FBXL17: variants seen among roughly 807,000 people sequenced by gnomAD.
FBXL17 encodes the protein F-box and leucine rich repeat protein 17.
Under a neutral mutation model 66.2 loss-of-function variants are expected in FBXL17, and 22 were observed. The observed-to-expected ratio is 0.33, with a 90% confidence interval of 0.24 to 0.47. The LOEUF (loss-of-function observed/expected upper bound fraction) is 0.47, where lower values mean the gene tolerates loss of function less well. FBXL17 is among the 20% of genes least tolerant of loss of function. The pLI, the probability that FBXL17 is intolerant of heterozygous loss-of-function variation, is 1.00. For synonymous variants in FBXL17, 474 were observed against 400.5 expected (o/e 1.18, Z -2.19); for missense variants, 878 against 948.2 (o/e 0.93, Z 0.97).
At chr5:108,083,151 C>T (rs1281414939) in intron 6 of FBXL17, among the ~76,000 whole-genome samples, 5 of 150,584 alleles carry the variant, frequency 3.3e-5, no homozygotes, top group African/African-American at 1.2e-4. Flanking sequence ...AAAATATCTA[C>T]CTAATACAAG....
intron 6 of FBXL17, among the ~76,000 whole-genome samples, chr5:108,089,202 C>T (rs1420956859): frequency 1.3e-5 from 2 of 152,186 alleles, no homozygotes; most frequent in African/African-American, 4.8e-5. Context: ...CTGCAATGGC[C>T]TTCTAACTGG....
At chr5:108,293,390 A>G (rs945537249) in intron 4 of FBXL17, among the ~76,000 whole-genome samples, 1 of 152,202 alleles carries the variant, frequency 6.6e-6, no homozygotes, top group Non-Finnish European at 1.5e-5. Context: ...TAAGTGAAAG[A>G]CATTTTCAAA....
At chr5:107,897,536 T>C (rs1374609905) in intron 7 of FBXL17, among the ~76,000 whole-genome samples, 1 of 152,094 alleles carries the variant, frequency 6.6e-6, no homozygotes, top group African/African-American at 2.4e-5. Flanking sequence ...CTTTTAAAGT[T>C]CTTTTGATAT....
At chr5:108,301,136 T>G (rs1029612026) in intron 4 of FBXL17, among the ~76,000 whole-genome samples, 1 of 151,746 alleles carries the variant, frequency 6.6e-6, no homozygotes, top group Non-Finnish European at 1.5e-5. Flanking sequence ...TATGAAAATG[T>G]ACAAAAACAC....
rs761417156 is a variant in FBXL17 at position 108,248,146 on chromosome 5, G to C, written c.1507-23918C>G. On this transcript the variant is annotated intron_variant, in intron 4 of 8. Coordinates refer to ENST00000542267, the MANE Select transcript of FBXL17 (RefSeq NM_001163315.3). The stretch of plus-strand genomic sequence containing the variant: ...GAAAAGACAATCAAGAGATAACACA[G>C]ATTTTAGAATTATTTGACAAAAACT... 6.3e-4 allele frequency among the ~76,000 whole-genome samples: 96 copies of C among 152,212 alleles called. 1 individual carries two copies. Among genetic ancestry groups the C allele is most frequent in the South Asian group, 1.5e-3 (7 of 4,820 alleles).
intron 7 of FBXL17, among the ~76,000 whole-genome samples, chr5:108,001,931 C>T (rs1753745605): frequency 6.6e-6 from 1 of 151,768 alleles, no homozygotes; most frequent in Non-Finnish European, 1.5e-5. Flanking sequence ...ATTCTAATAA[C>T]TAAAAATAAA....
intron 4 of FBXL17, among the ~76,000 whole-genome samples, chr5:108,281,588 A>G (rs945865946): frequency 2.0e-5 from 3 of 151,852 alleles, no homozygotes; most frequent in Admixed American, 2.0e-4. Flanking sequence ...AAGAAGAAAG[A>G]TTACAAATTG....
intron 7 of FBXL17, among the ~76,000 whole-genome samples, chr5:107,982,193 T>C (rs923456571): frequency 6.6e-6 from 1 of 152,186 alleles, no homozygotes; most frequent in Non-Finnish European, 1.5e-5. Flanking sequence ...AAGAGAGTCT[T>C]GTCTTTAGTA....
intron 5 of FBXL17, among the ~76,000 whole-genome samples, chr5:108,210,110 T>TAA (rs1754302547): frequency 6.6e-6 from 1 of 152,220 alleles, no homozygotes; most frequent in Non-Finnish European, 1.5e-5. Flanking sequence ...GAGGTGTTTA[T>TAA]AGTATTCTCT....
At chr5:108,281,713 T>C (rs982953933) in intron 4 of FBXL17, among the ~76,000 whole-genome samples, 2 of 151,518 alleles carry the variant, frequency 1.3e-5, no homozygotes, top group Admixed American at 6.6e-5. Context: ...ACAGAGACTT[T>C]AAAAAATACA....
chr5:107,973,665 T>C (rs1488658551), intron 7 of FBXL17, among the ~76,000 whole-genome samples: 1 of 152,110 alleles, frequency 6.6e-6, no homozygotes, highest in African/African-American at 2.4e-5. Context: ...TTCCAAGTGT[T>C]TGTAACTCCT....
At chr5:108,209,707 T>C (rs1478716268) in intron 5 of FBXL17, among the ~76,000 whole-genome samples, 1 of 152,206 alleles carries the variant, frequency 6.6e-6, no homozygotes, top group Non-Finnish European at 1.5e-5. Context: ...TTGAATTCGG[T>C]TTGCCAGTAT....
At chr5:108,154,279 T>A (rs1288855102) in intron 6 of FBXL17, among the ~76,000 whole-genome samples, 5 of 97,564 alleles carry the variant, frequency 5.1e-5, no homozygotes, top group South Asian at 4.0e-4. Context: ...GTGGAAAGGA[T>A]CACAGCTGAA....
intron 4 of FBXL17, chr5:108,298,121 T>A (rs1273841840): frequency 1.0e-6 from 1 of 962,424 alleles, no homozygotes; most frequent in Non-Finnish European, 1.2e-6. Flanking sequence ...TTTACTATTA[T>A]ATAACTAATT....
At chr5:108,212,362 T>C (rs1249837492) in intron 5 of FBXL17, among the ~76,000 whole-genome samples, 1 of 152,186 alleles carries the variant, frequency 6.6e-6, no homozygotes, top group African/African-American at 2.4e-5. Flanking sequence ...TCCATCCAGT[T>C]TTGTTCTCTT....
In FBXL17 at chr5:107,907,713, A is replaced by G. The variant is rs1319267226; in HGVS notation, c.1823-26534T>C. On this transcript the variant is annotated intron_variant, in intron 7 of 8. Coordinates refer to ENST00000542267, the MANE Select transcript of FBXL17 (RefSeq NM_001163315.3). ...GACAAAATGCTCACCATCACTGGCC[A>G]TCAGAGAAATGCAAATCAAAACCAC... Among the ~76,000 whole-genome samples, 4 of 152,226 alleles carry G rather than the reference A, an allele frequency of 2.6e-5. No homozygotes were observed. In the East Asian group the frequency reaches 5.8e-4, roughly 22 times the overall value.
At chr5:108,368,085 A>C in intron 1 of FBXL17, 132 bp from the exon 2 acceptor site, 4 of 792,256 alleles carry the variant, frequency 5.0e-6, no homozygotes, top group Non-Finnish European at 7.9e-6. Context: ...CATTATTGTA[A>C]GTCACCGTAA....
chr5:108,231,158 G>C (rs1402412331), intron 4 of FBXL17, among the ~76,000 whole-genome samples: 1 of 152,054 alleles, frequency 6.6e-6, no homozygotes, highest in Non-Finnish European at 1.5e-5. Flanking sequence ...TTTTTAAACA[G>C]CTTTATTGAG....
At chr5:108,095,438 A>G (rs1749331600) in intron 6 of FBXL17, among the ~76,000 whole-genome samples, 1 of 152,120 alleles carries the variant, frequency 6.6e-6, no homozygotes, top group Non-Finnish European at 1.5e-5. Context: ...TAAATAAAGT[A>G]TTTTAGTAAG....
Sources: gnomAD v4.1 joint callset for allele counts (sites outside exome capture counted in the v4.1 genomes callset) on GRCh38, gnomAD v4.1.1 for gene constraint, MANE v1.5 for transcripts, NCBI Gene and HGNC (gene_info 2026-07-23, HGNC 2026-07-21) for gene names.